Variants in NSD3 observed in about 807,000 individuals in gnomAD.
NSD3 encodes the protein nuclear receptor binding SET domain protein 3.
A neutral mutation model predicts 160.8 loss-of-function variants in NSD3; 24 were observed. That is an observed-to-expected ratio of 0.15 (90% confidence interval 0.11 to 0.21). NSD3 has a LOEUF of 0.21. Among genes scored for constraint, NSD3 ranks in the 10% least tolerant of loss-of-function variants. The pLI, the probability that NSD3 is intolerant of heterozygous loss-of-function variation, is 1.00. For synonymous variants in NSD3, 520 were observed against 600.0 expected, an observed-to-expected ratio of 0.87 and a Z score of 1.95; for missense variants, 1,157 against 1,735.9, an observed-to-expected ratio of 0.67 and a Z score of 5.93.
intron 5 of NSD3, among the ~76,000 whole-genome samples, chr8:38,330,197 CAAT>C (rs1810022138): frequency 6.6e-6 from 1 of 152,126 alleles, no homozygotes; most frequent in Non-Finnish European, 1.5e-5. Context: ...GAAAAGAGAA[CAAT>C]GATTACAGAA....
chr8:38,337,262 A>G (rs1379672980), intron 4 of NSD3, 43 bp downstream of exon 4: 1 of 1,488,218 alleles, frequency 6.7e-7, no homozygotes, highest in Middle Eastern at 1.8e-4. Flanking sequence ...AGTCACTTTT[A>G]TTTCCAACCT....
At chr8:38,310,648 T>C (rs1428874985) in intron 12 of NSD3, among the ~76,000 whole-genome samples, 4 of 151,396 alleles carry the variant, frequency 2.6e-5, no homozygotes, top group African/African-American at 9.7e-5. Flanking sequence ...TTTGGGACTA[T>C]GGGCACACGC....
At position 38,279,678 on chromosome 8, in the gene NSD3, G is replaced by A. The variant is rs531093378; in HGVS notation, c.3622C>T (p.Arg1208Cys). ...CCTTTTGGGCCGGCATCAATTATACGGTCCTTCAGAAAGAAAAGAAAAGTA... is the reference window on the plus strand; with the variant it reads ...CCTTTTGGGCCGGCATCAATTATACAGTCCTTCAGAAAGAAAAGAAAAGTA... ...NFYMLTVTKD[R>C]IIDAGPKGNY... The change falls in exon 21 of 24, where the codon CGT becomes TGT. Residue 1208 changes from arginine to cysteine, a missense_variant. This residue lies in a region of NSD3 where 222 missense variants were observed against 409.9 expected (regional missense o/e 0.54). Coordinates refer to ENST00000317025, the MANE Select transcript of NSD3 (RefSeq NM_023034.2). The A allele has an allele frequency of 3.0e-5, 49 of 1,610,496 alleles. No individual in the cohort carries two copies. The South Asian group carries it at 4.0e-4, about 13-fold the overall frequency.
At position 38,291,917 on chromosome 8, in the gene NSD3, G is replaced by A. The variant is rs547063786; in HGVS notation, c.2916-1240C>T. Among the ~76,000 whole-genome samples the A allele has an allele frequency of 7.9e-5, 12 of 152,262 alleles. No individual in the cohort carries two copies. In the East Asian group the frequency reaches 1.5e-3, roughly 20 times the overall value. On this transcript the variant is annotated intron_variant, in intron 16 of 23. Transcript: ENST00000317025. ...AGAAATACATTAAGAATTAGTTCAC[G>A]GATGGAAGTCTTTCCAAAACATACA... is the stretch of plus-strand genomic sequence containing the variant.
At chr8:38,284,262 CCA>C (rs1808804783) in intron 19 of NSD3, among the ~76,000 whole-genome samples, 2 of 152,222 alleles carry the variant, frequency 1.3e-5, no homozygotes, top group Non-Finnish European at 1.5e-5. Flanking sequence ...TTTCCTGTAT[CCA>C]GTTTGGACTT....
rs1437558398 is a variant in NSD3, at chr8:38,271,024, A to G, written c.*4617T>C. 6.6e-6 allele frequency: 1 copy of G among 152,228 alleles called. No individual in the cohort carries two copies. Among genetic ancestry groups the G allele is most frequent in the African/African-American group, 2.4e-5 (1 of 41,460 alleles). The allele number at this position is 152,228 out of a possible 1,614,324, so 9.4% of individuals were successfully genotyped here. On this transcript the variant is annotated 3_prime_UTR_variant, in exon 24 of 24. Transcript: ENST00000317025. ...GTTTTTTTCCCTACATAGACATAGT[A>G]AAAGGAAAGAAGATGTGCTTGGGGA...
chr8:38,278,227 C>A, intron 22 of NSD3, 79 bp downstream of exon 22: 1 of 1,313,944 alleles, frequency 7.6e-7, no homozygotes, highest in Non-Finnish European at 1.1e-6. Context: ...CATGAGCCAC[C>A]GCGCCCGGCC....
rs756679825 is a variant in NSD3, at chr8:38,326,734, A to G, written c.1704T>C (p.Ser568=). 4.3e-6 allele frequency: 7 copies of G among 1,613,230 alleles called. No individual in the cohort carries two copies. In the East Asian group the frequency reaches 1.1e-4, roughly 26 times the overall value. Residue 568 remains serine, a synonymous_variant, in exon 7 of 24, where the codon TCT becomes TCC. Coordinates refer to ENST00000317025, the MANE Select transcript of NSD3 (RefSeq NM_023034.2). ...SVSSPEATSG[S]TGSVEKKQQR... ...ATACTTTTCATTCATACCAACCTGT[A>G]GAACCAGATGTTGCTTCAGGAGATG...
At chr8:38,373,152 T>C (rs1811298515) in intron 1 of NSD3, among the ~76,000 whole-genome samples, 1 of 152,032 alleles carries the variant, frequency 6.6e-6, no homozygotes, top group Non-Finnish European at 1.5e-5. Flanking sequence ...CAATACCAGC[T>C]AAACCAATGA....
At chr8:38,360,274 T>C (rs1191760617) in intron 1 of NSD3, among the ~76,000 whole-genome samples, 1 of 152,212 alleles carries the variant, frequency 6.6e-6, no homozygotes, top group African/African-American at 2.4e-5. Context: ...CATGAGCCAC[T>C]GTGCCAGTCC....
intron 1 of NSD3, among the ~76,000 whole-genome samples, chr8:38,354,505 G>A (rs1044569736): frequency 6.6e-6 from 1 of 152,164 alleles, no homozygotes; most frequent in Admixed American, 6.5e-5. Context: ...ATGCTATTCT[G>A]TTTATATACG....
At chr8:38,339,686 ACTGCACTCCAGC>A (rs1810311993) in intron 2 of NSD3, among the ~76,000 whole-genome samples, 1 of 151,350 alleles carries the variant, frequency 6.6e-6, no homozygotes, top group Admixed American at 6.6e-5. Flanking sequence ...AGATCATGCC[ACTGCACTCCAGC>A]CTGGTGACAG....
intron 2 of NSD3, among the ~76,000 whole-genome samples, chr8:38,340,982 G>A (rs1413665989): frequency 6.6e-6 from 1 of 151,982 alleles, no homozygotes; most frequent in Non-Finnish European, 1.5e-5. Flanking sequence ...GGGCAACAGA[G>A]TGAGGCCCAG....
rs377037691 is a variant in NSD3, at chr8:38,367,394, A to AAT, written c.-45+14403_-45+14404dup. ...GGGCTTGAGTTTTCATTCTGAAAAG[A>AAT]ATATATATATATATGTGGTTAAAAT... On this transcript the variant is annotated intron_variant, in intron 1 of 23. Transcript: ENST00000317025. 1.9e-3 allele frequency among the ~76,000 whole-genome samples: 280 copies of AAT among 151,244 alleles called. 2 individuals are homozygous for AAT. The highest frequency in any genetic ancestry group is 5.7e-3 in the African/African-American group (236 of 41,310).
chr8:38,342,711 G>A (rs1009473220), intron 2 of NSD3, among the ~76,000 whole-genome samples: 1 of 151,828 alleles, frequency 6.6e-6, no homozygotes, highest in African/African-American at 2.4e-5. Flanking sequence ...GGTATTACAG[G>A]CACGCGCCAC....
At chr8:38,277,308 C>T (rs796876469) in intron 22 of NSD3, among the ~76,000 whole-genome samples, 10 of 152,126 alleles carry the variant, frequency 6.6e-5, no homozygotes, top group Admixed American at 3.3e-4. Flanking sequence ...GATGGAGTCT[C>T]GCTCTGTCGC....
chr8:38,287,868 G>A (rs545488489), intron 19 of NSD3, among the ~76,000 whole-genome samples: 3 of 152,136 alleles, frequency 2.0e-5, no homozygotes, highest in African/African-American at 7.2e-5. Context: ...TAGCCAGGAT[G>A]GTCTCAATCT....
chr8:38,312,869 A>C (rs1391433706), intron 12 of NSD3, among the ~76,000 whole-genome samples: 1 of 152,202 alleles, frequency 6.6e-6, no homozygotes. Flanking sequence ...TCTTTATAGC[A>C]ATGCAAGAAG....
intron 1 of NSD3, among the ~76,000 whole-genome samples, chr8:38,358,508 A>G (rs1251899339): frequency 6.6e-6 from 1 of 152,174 alleles, no homozygotes; most frequent in African/African-American, 2.4e-5. Flanking sequence ...TGGTTCTTGA[A>G]AACCTAGCAT....
Sources: allele counts gnomAD v4.1 joint callset (sites outside exome capture counted in the v4.1 genomes callset), GRCh38; gene constraint gnomAD v4.1.1; regional missense constraint gnomAD v4.1.1; transcripts MANE v1.5; gene names NCBI Gene and HGNC (gene_info 2026-07-23, HGNC 2026-07-21).